Variants in DRC10 observed in about 807,000 individuals in gnomAD.
DRC10 encodes IQ domain-containing protein D.
chr12:113,199,939 G>T, the DRC10 span: 1 of 191,748 alleles, frequency 5.2e-6, no homozygotes, highest in Non-Finnish European at 1.1e-5. Flanking sequence ...AGGCTGGAGT[G>T]CAGTGGTGCA....
chr12:113,203,385 G>T, the DRC10 span, among the ~76,000 whole-genome samples: 1 of 152,064 alleles, frequency 6.6e-6, no homozygotes, highest in South Asian at 2.1e-4. Flanking sequence ...CTACTCAGGA[G>T]GCTGAGGCTG....
chr12:113,204,159 CAGG>C, the DRC10 span, among the ~76,000 whole-genome samples: 11 of 152,144 alleles, frequency 7.2e-5, no homozygotes, highest in African/African-American at 2.4e-4. Flanking sequence ...GAGAATCGCC[CAGG>C]AGGTCAAGGC....
chr12:113,198,921 T>C, the DRC10 span, among the ~76,000 whole-genome samples: 1 of 151,148 alleles, frequency 6.6e-6, no homozygotes, highest in African/African-American at 2.4e-5. Flanking sequence ...CAAAACCCTG[T>C]CTCCACAAAA....
At chr12:113,220,419 A>G in the DRC10 span, among the ~76,000 whole-genome samples, 2 of 151,760 alleles carry the variant, frequency 1.3e-5, no homozygotes, top group Non-Finnish European at 2.9e-5. Flanking sequence ...ATGCTCAGCT[A>G]ATTTTTGTAT....
the DRC10 span, chr12:113,221,079 GCGAGACTCGGTGTCTGACTGA>G: frequency 6.9e-6 from 3 of 435,370 alleles, no homozygotes; most frequent in African/African-American, 6.0e-5. Context: ...ATCTCAGAAG[GCGAGACTCGGTGTCTGACTGA>G]CCTTTCTTTT....
the DRC10 span, among the ~76,000 whole-genome samples, chr12:113,201,543 G>A: frequency 2.6e-5 from 4 of 152,228 alleles, no homozygotes; most frequent in Admixed American, 2.6e-4. Context: ...GTGCATGAAG[G>A]TGTGCGATGA....
chr12:113,212,264 T>G, the DRC10 span, among the ~76,000 whole-genome samples: 1 of 152,058 alleles, frequency 6.6e-6, no homozygotes, highest in African/African-American at 2.4e-5. Flanking sequence ...AGACAGGGTT[T>G]CATCATGTTG....
chr12:113,195,741 T>C, the DRC10 span: 3 of 1,613,986 alleles, frequency 1.9e-6, no homozygotes, highest in Non-Finnish European at 1.7e-6. Flanking sequence ...CACCATCTCC[T>C]GCTCTGCCTC....
chr12:113,201,087 G>T, the DRC10 span, among the ~76,000 whole-genome samples: 2 of 152,100 alleles, frequency 1.3e-5, no homozygotes, highest in African/African-American at 2.4e-5. Flanking sequence ...TGCAGTGAGC[G>T]GAGATATCAT....
At chr12:113,204,938 AT>A in the DRC10 span, among the ~76,000 whole-genome samples, 5 of 147,428 alleles carry the variant, frequency 3.4e-5, no homozygotes, top group East Asian at 1.1e-3. Flanking sequence ...AAAAAAAAAA[AT>A]AGTTCGCTGA....
the DRC10 span, among the ~76,000 whole-genome samples, chr12:113,220,553 A>G: frequency 6.6e-6 from 1 of 152,130 alleles, no homozygotes; most frequent in South Asian, 2.1e-4. Context: ...CATGCTCGGC[A>G]AAAACAACAA....
chr12:113,197,081 T>G, the DRC10 span, among the ~76,000 whole-genome samples: 1 of 152,094 alleles, frequency 6.6e-6, no homozygotes, highest in South Asian at 2.1e-4. Context: ...AGCCCCACCT[T>G]GTAGGGGTGC....
the DRC10 span, among the ~76,000 whole-genome samples, chr12:113,219,143 C>T: frequency 6.6e-6 from 1 of 152,186 alleles, no homozygotes; most frequent in African/African-American, 2.4e-5. Flanking sequence ...TCAGGTGATT[C>T]TCCTGCCTCA....
At chr12:113,196,728 CT>C in the DRC10 span, among the ~76,000 whole-genome samples, 1 of 152,250 alleles carries the variant, frequency 6.6e-6, no homozygotes, top group Non-Finnish European at 1.5e-5. Context: ...CCAGTCCTCC[CT>C]GGCCCCTGGG....
the DRC10 span, chr12:113,195,767 G>A: frequency 3.7e-6 from 6 of 1,613,930 alleles, no homozygotes; most frequent in South Asian, 5.5e-5. Flanking sequence ...TTTTCTTGGA[G>A]TTGATCTCCC....
chr12:113,203,017 AT>A, the DRC10 span: 2 of 455,364 alleles, frequency 4.4e-6, no homozygotes, highest in South Asian at 3.1e-5. Context: ...AGGGTTTGGG[AT>A]CATGCTACTG....
the DRC10 span, among the ~76,000 whole-genome samples, chr12:113,210,018 C>T: frequency 6.6e-6 from 1 of 152,108 alleles, no homozygotes; most frequent in Non-Finnish European, 1.5e-5. Context: ...TCAGGTTAAC[C>T]CCAGTTACTC....
chr12:113,211,656 A>G, the DRC10 span, among the ~76,000 whole-genome samples: 1 of 151,888 alleles, frequency 6.6e-6, no homozygotes, highest in Non-Finnish European at 1.5e-5. Flanking sequence ...CAAAAAACAA[A>G]CCAGAAGCCC....
the DRC10 span, chr12:113,197,483 C>T: frequency 1.7e-6 from 2 of 1,203,810 alleles, no homozygotes; most frequent in Admixed American, 2.0e-5. Context: ...CCCATTCATC[C>T]CATTCCTAGA....
Sources: allele counts gnomAD v4.1 joint callset (sites outside exome capture counted in the v4.1 genomes callset), GRCh38; gene constraint gnomAD v4.1.1; transcripts MANE v1.5; gene names NCBI Gene and HGNC (gene_info 2026-07-23, HGNC 2026-07-21).